Variants in CDR2L observed in about 807,000 individuals in gnomAD.
CDR2L encodes the protein cerebellar degeneration-related protein 2-like.
A neutral mutation model predicts 36.1 loss-of-function variants in CDR2L; 19 were observed. The ratio of observed to expected loss-of-function variants is 0.53; its 90% confidence interval spans 0.37 to 0.77. The LOEUF is 0.77. Ranked by LOEUF, CDR2L falls within the 30% of genes least tolerant of loss-of-function variation. The pLI, the probability that CDR2L is intolerant of heterozygous loss-of-function variation, is 0.00. For missense variants in CDR2L, 575 were observed against 627.2 expected (o/e 0.92, Z 0.89); for synonymous variants, 285 against 280.4 (o/e 1.02, Z -0.16).
At chr17:74,993,693 T>C (rs1474182432) in intron 1 of CDR2L, among the ~76,000 whole-genome samples, 1 of 152,010 alleles carries the variant, frequency 6.6e-6, no homozygotes, top group African/African-American at 2.4e-5. Flanking sequence ...TTGGTTTCTT[T>C]GTTGTTGTTG....
At position 75,003,862 on chromosome 17, in the gene CDR2L, A is replaced by T; in HGVS notation, c.1186A>T (p.Ser396Cys). Residue 396 changes from serine (S) to cysteine (C), a missense_variant, in exon 5 of 5, where the codon AGC becomes TGC. Coordinates refer to ENST00000337231, the MANE Select transcript of CDR2L (RefSeq NM_014603.3). ...VQTSRPISRD[S>C]SWRDLRGGEE... ...GACCTCGCGCCCCATCTCCCGGGAC[A>T]GCTCGTGGAGGGACCTGCGCGGGGG... The T allele has an allele frequency of 6.3e-7, 1 of 1,592,368 alleles. No homozygotes were observed. Among genetic ancestry groups the T allele is most frequent in the Non-Finnish European group, 8.5e-7 (1 of 1,170,238 alleles).
chr17:74,998,664 G>A (rs2039845429), intron 1 of CDR2L, among the ~76,000 whole-genome samples: 1 of 152,198 alleles, frequency 6.6e-6, no homozygotes, highest in Non-Finnish European at 1.5e-5. Flanking sequence ...AGGGAACAGT[G>A]TGACTTTGAA....
rs1193743540 is a variant in CDR2L at position 75,001,475 on chromosome 17, G to A, written c.327G>A (p.Gln109=). 2 of 1,573,556 alleles carry A rather than the reference G, an allele frequency of 1.3e-6. No homozygotes were observed. The highest frequency in any genetic ancestry group is 1.7e-6 in the Non-Finnish European group (2 of 1,162,226). ...TGGTGCTGGAGAGTAAGGCTGCCCA[G>A]CAGAAGATCCATGGGTGAGGGCCCG... is the stretch of plus-strand genomic sequence containing the variant. The part of the protein sequence containing the change: ...HRLVLESKAA[Q]QKIHGLTETI... Residue 109 remains glutamine (Q), a synonymous_variant, in exon 3 of 5, where the codon CAG becomes CAA. Coordinates refer to ENST00000337231, the MANE Select transcript of CDR2L (RefSeq NM_014603.3).
intron 1 of CDR2L, among the ~76,000 whole-genome samples, chr17:74,995,213 T>A (rs1054480945): frequency 1.6e-4 from 25 of 151,782 alleles, no homozygotes; most frequent in Non-Finnish European, 4.4e-5. Flanking sequence ...ACACTTTCTT[T>A]TTTTTTTTTT....
chr17:75,003,093 G>A (rs2144868566), intron 4 of CDR2L, 90 bp from the exon 5 acceptor site: 1 of 1,352,762 alleles, frequency 7.4e-7, no homozygotes, highest in Non-Finnish European at 1.0e-6. Flanking sequence ...AGATGTAAGC[G>A]CCCTGGCTGG....
chr17:75,003,245 A>G lies in CDR2L; in HGVS notation c.569A>G (p.Gln190Arg). 6.4e-7 allele frequency: 1 copy of G among 1,563,052 alleles called. No individual in the cohort carries two copies. Among genetic ancestry groups the G allele is most frequent in the Non-Finnish European group, 8.7e-7 (1 of 1,154,632 alleles). The stretch of plus-strand genomic sequence containing the variant: ...GAGCTGGGCCCGCGGCCCCTGGAGC[A>G]GGAGAACGAGCGGCTGCAGACCCTG... ...SLELGPRPLE[Q>R]ENERLQTLVG... is the part of the protein sequence containing the mutation. Residue 190 changes from glutamine (Q) to arginine (R), a missense_variant, in exon 5 of 5, where the codon CAG becomes CGG. By Grantham distance (43) the Gln-to-Arg change is conservative (BLOSUM62 1). Transcript: ENST00000337231.
At position 75,004,288 on chromosome 17, in the gene CDR2L, A is replaced by C; in HGVS notation, c.*214A>C. 1 of 546,522 alleles carries C rather than the reference A, an allele frequency of 1.8e-6. No homozygotes were observed. Among genetic ancestry groups the C allele is most frequent in the Non-Finnish European group, 3.2e-6 (1 of 307,998 alleles). 33.9% of individuals were successfully genotyped at this position (546,522 alleles called of 1,614,324 possible). ...CCTTGGCCACCTCGCGCCAGCCCAA[A>C]GGCGCAGCTCTGAGTTCAAAGCCAA... On this transcript the variant is annotated 3_prime_UTR_variant, in exon 5 of 5. Coordinates refer to ENST00000337231, the MANE Select transcript of CDR2L (RefSeq NM_014603.3).
intron 3 of CDR2L, 142 bp downstream of exon 3, chr17:75,001,631 T>A (rs1017568566): frequency 1.2e-6 from 1 of 800,216 alleles, no homozygotes; most frequent in Middle Eastern, 3.8e-4. Context: ...CCTTGTCGAT[T>A]TTGTGTGGTT....
chr17:75,001,973 C>T (rs544324379), intron 3 of CDR2L, 91 bp from the exon 4 acceptor site: 30 of 1,148,396 alleles, frequency 2.6e-5, no homozygotes, highest in Non-Finnish European at 3.4e-5. Context: ...TCCTACCCAA[C>T]GTCCCTCCAT....
intron 2 of CDR2L, 147 bp downstream of exon 2, chr17:74,999,763 C>T: frequency 1.9e-6 from 1 of 534,640 alleles, no homozygotes; most frequent in Non-Finnish European, 3.3e-6. Context: ...CTATCCTGTA[C>T]AAGGATAGCA....
chr17:75,000,211 G>C (rs2039856625), intron 2 of CDR2L, among the ~76,000 whole-genome samples: 1 of 152,194 alleles, frequency 6.6e-6, no homozygotes, highest in African/African-American at 2.4e-5. Flanking sequence ...GGAGGTTGAG[G>C]CTGCAGTGAG....
rs1330279925 is a variant in CDR2L at position 74,989,252 on chromosome 17, G to A, written c.79+1130G>A. On this transcript the variant is annotated intron_variant, in intron 1 of 4. Transcript: ENST00000337231. The surrounding 1 kb of genome is among the most constrained non-coding windows in gnomAD (Gnocchi z 4.2). Reference sequence around the variant, plus strand: ...CTTCCCCACATGGCCAAGACTGGCTGGCAGATGAGGCTCTGTCCTTGTGCT... The same window carrying A: ...CTTCCCCACATGGCCAAGACTGGCTAGCAGATGAGGCTCTGTCCTTGTGCT... Among the ~76,000 whole-genome samples the A allele has an allele frequency of 6.6e-6, 1 of 152,170 alleles. No homozygotes were observed. Among genetic ancestry groups the A allele is most frequent in the Non-Finnish European group, 1.5e-5 (1 of 68,020 alleles).
chr17:74,997,054 TTC>T (rs1349193645), intron 1 of CDR2L, among the ~76,000 whole-genome samples: 180 of 9,832 alleles, frequency 0.018, 3 homozygotes, highest in East Asian at 0.094. Flanking sequence ...CTTTCTTTCT[TTC>T]TTTCTTTCTT....
Position 74,995,941 on chromosome 17 carries a change from G to T in CDR2L, c.80-3563G>T, listed in dbSNP as rs555719996. Among the ~76,000 whole-genome samples the T allele has an allele frequency of 8.0e-4, 121 of 151,708 alleles. 2 individuals are homozygous for T. The highest frequency in any genetic ancestry group is 1.7e-3 in the Non-Finnish European group (113 of 67,968). On this transcript the variant is annotated intron_variant, in intron 1 of 4. Transcript: ENST00000337231. ...CAGCCTGCTCTAACGACCTCTTTGA[G>T]GACCCGCTCTCTCCCACCCTTCTCC... is the stretch of plus-strand genomic sequence containing the variant.
At chr17:74,999,428 C>A in intron 1 of CDR2L, 76 bp from the exon 2 acceptor site, 1 of 974,818 alleles carries the variant, frequency 1.0e-6, no homozygotes, top group Non-Finnish European at 1.6e-6. Context: ...ACATTGGGGT[C>A]ACCTAGAGTA....
chr17:75,004,426 G>GA lies in CDR2L; in HGVS notation c.*352_*353insA. 1 of 178,780 alleles carries GA rather than the reference G, an allele frequency of 5.6e-6. No individual in the cohort carries two copies. The highest frequency in any genetic ancestry group is 1.0e-5 in the Non-Finnish European group (1 of 98,896). The allele number at this position is 178,780 out of a possible 1,614,324, so 11.1% of individuals were successfully genotyped here. A position where few individuals can be genotyped will look rare whatever the true frequency, so the allele number is the denominator to read the frequency against. ...TCTGAAAGCCATTCTGGATCAGTTG[G>GA]CTTTTTTTTTTTTTTTGGTTAAGTT... On this transcript the variant is annotated 3_prime_UTR_variant, in exon 5 of 5. Transcript: ENST00000337231.
At chr17:74,993,983 T>C (rs1418522006) in intron 1 of CDR2L, among the ~76,000 whole-genome samples, 3 of 152,176 alleles carry the variant, frequency 2.0e-5, no homozygotes, top group Admixed American at 2.0e-4. Flanking sequence ...CACAAGGCAA[T>C]GTCAGTTCTG....
chr17:75,001,427 C>T lies in CDR2L; in HGVS notation c.279C>T (p.Asp93=). 1 of 1,607,602 alleles carries T rather than the reference C, an allele frequency of 6.2e-7. No homozygotes were observed. The highest frequency in any genetic ancestry group is 8.5e-7 in the Non-Finnish European group (1 of 1,177,614). ...VYEQLDLTAR[D]LELTNHRLVL... The stretch of plus-strand genomic sequence containing the variant: ...AGCAGCTGGACCTGACAGCCCGGGA[C>T]CTGGAGCTGACCAACCACAGGCTGG... Residue 93 remains aspartate (D), a synonymous_variant, in exon 3 of 5, where the codon GAC becomes GAT. Transcript: ENST00000337231.
At chr17:74,992,167 G>T (rs2039801045) in intron 1 of CDR2L, among the ~76,000 whole-genome samples, 1 of 152,044 alleles carries the variant, frequency 6.6e-6, no homozygotes, top group South Asian at 2.1e-4. Context: ...TCTGGAATCT[G>T]TGGTGCCCGA....
Sources: gnomAD v4.1 joint callset for allele counts (sites outside exome capture counted in the v4.1 genomes callset) on GRCh38, gnomAD v4.1.1 for gene constraint, Gnocchi (gnomAD v3.1) non-coding constraint, MANE v1.5 for transcripts, NCBI Gene and HGNC (gene_info 2026-07-23, HGNC 2026-07-21) for gene names.